MAP2K6: variants seen among roughly 807,000 people sequenced by gnomAD.
MAP2K6 encodes the protein dual specificity mitogen-activated protein kinase kinase 6.
A neutral mutation model predicts 53.7 loss-of-function variants in MAP2K6; 16 were observed. The observed-to-expected ratio is 0.30, with a 90% CI of 0.20 to 0.45. The LOEUF (loss-of-function observed/expected upper bound fraction) is 0.45. Ranked by LOEUF, MAP2K6 falls within the 20% of genes least tolerant of loss-of-function variation. The pLI is 1.00. For missense variants in MAP2K6, 204 were observed against 411.9 expected, an observed-to-expected ratio of 0.50 and a Z score of 4.37; for synonymous variants, 132 against 143.1, an observed-to-expected ratio of 0.92 and a Z score of 0.55.
intron 2 of MAP2K6, among the ~76,000 whole-genome samples, chr17:69,508,386 C>G (rs751295288): frequency 2.6e-5 from 4 of 152,028 alleles, no homozygotes; most frequent in Admixed American, 6.6e-5. Context: ...TTTTAATTTA[C>G]AATTTCTCTA....
intron 7 of MAP2K6, 162 bp downstream of exon 7, chr17:69,521,262 A>G (rs910375372): frequency 1.5e-5 from 8 of 525,212 alleles, no homozygotes; most frequent in African/African-American, 1.4e-4. Flanking sequence ...CCATATAAGT[A>G]GTATTCCTTA....
At chr17:69,470,376 G>A (rs1386294717) in intron 1 of MAP2K6, among the ~76,000 whole-genome samples, 3 of 152,206 alleles carry the variant, frequency 2.0e-5, no homozygotes, top group African/African-American at 7.2e-5. Context: ...GATACTCGGA[G>A]CATCACCAAG....
chr17:69,542,489 T>TAAC lies in MAP2K6; in HGVS notation c.*738_*740dup, dbSNP rs936850543. 2.6e-5 allele frequency: 4 copies of TAAC among 152,488 alleles called. No individual in the cohort carries two copies. The highest frequency in any genetic ancestry group is 4.4e-5 in the Non-Finnish European group (3 of 68,048). 9.4% of individuals were successfully genotyped at this position (152,488 alleles called of 1,614,324 possible). Reference sequence around the variant, plus strand: ...TTGGAAAACATAAAAATCACTCATATAACAGCTCAAAGAGTAAAACATTTG... The same window carrying TAAC: ...TTGGAAAACATAAAAATCACTCATATAACAACAGCTCAAAGAGTAAAACATTTG... On this transcript the variant is annotated 3_prime_UTR_variant, in exon 12 of 12. Transcript: ENST00000590474.
intron 11 of MAP2K6, among the ~76,000 whole-genome samples, chr17:69,537,562 C>T (rs559433509): frequency 2.0e-4 from 31 of 152,248 alleles, no homozygotes; most frequent in African/African-American, 5.1e-4. Flanking sequence ...TTGGAAATGT[C>T]GAGTCAGGAA....
At chr17:69,457,334 A>G (rs1214075519) in intron 1 of MAP2K6, among the ~76,000 whole-genome samples, 1 of 152,176 alleles carries the variant, frequency 6.6e-6, no homozygotes, top group Non-Finnish European at 1.5e-5. Flanking sequence ...TTTATCCCCT[A>G]GGTTGAGTGG....
intron 10 of MAP2K6, 150 bp downstream of exon 10, chr17:69,526,859 C>T (rs1194455278): frequency 4.3e-6 from 4 of 932,968 alleles, no homozygotes; most frequent in South Asian, 1.7e-5. Flanking sequence ...CAAAGATGAC[C>T]GTATCACACT....
At chr17:69,449,503 T>TTTTTCTTTCTTTCTTTG (rs1907098866) in intron 1 of MAP2K6, among the ~76,000 whole-genome samples, 2 of 136,452 alleles carry the variant, frequency 1.5e-5, no homozygotes, top group East Asian at 2.1e-4. Flanking sequence ...TCTTTCTTTT[T>TTTTTCTTTCTTTCTTTG]TCTTTCTTTC....
At chr17:69,495,392 C>A (rs1347091038) in intron 1 of MAP2K6, among the ~76,000 whole-genome samples, 1 of 151,948 alleles carries the variant, frequency 6.6e-6, no homozygotes, top group African/African-American at 2.4e-5. Flanking sequence ...CCCACCAACA[C>A]GCCCAGCTAA....
rs925475557 is a variant in MAP2K6 at position 69,542,486 on chromosome 17, A to T, written c.*733A>T. 1.3e-5 allele frequency: 2 copies of T among 152,490 alleles called. No individual in the cohort carries two copies. The highest frequency in any genetic ancestry group is 4.8e-5 in the African/African-American group (2 of 41,452). The allele number at this position is 152,490 out of a possible 1,614,324, so 9.4% of individuals were successfully genotyped here. A position where few individuals can be genotyped will look rare whatever the true frequency, so the allele number is the denominator to read the frequency against. On this transcript the variant is annotated 3_prime_UTR_variant, in exon 12 of 12. Coordinates refer to ENST00000590474, the MANE Select transcript of MAP2K6 (RefSeq NM_002758.4). Reference sequence around the variant, plus strand: ...ACTTTGGAAAACATAAAAATCACTCATATAACAGCTCAAAGAGTAAAACAT... The same window carrying T: ...ACTTTGGAAAACATAAAAATCACTCTTATAACAGCTCAAAGAGTAAAACAT...
intron 1 of MAP2K6, among the ~76,000 whole-genome samples, chr17:69,457,159 G>A (rs1429943110): frequency 6.6e-6 from 1 of 152,210 alleles, no homozygotes; most frequent in African/African-American, 2.4e-5. Context: ...TACAATGGTG[G>A]TTTCTTCTGT....
intron 10 of MAP2K6, among the ~76,000 whole-genome samples, chr17:69,532,501 C>T (rs1567858939): frequency 6.6e-6 from 1 of 152,150 alleles, no homozygotes; most frequent in Admixed American, 6.5e-5. Context: ...TTTGAAAATT[C>T]AAAAGTCTGA....
At chr17:69,540,654 A>G (rs1911570582) in intron 11 of MAP2K6, among the ~76,000 whole-genome samples, 1 of 152,200 alleles carries the variant, frequency 6.6e-6, no homozygotes, top group Admixed American at 6.5e-5. Flanking sequence ...AGCAAAGCAT[A>G]AGACTTGTTA....
intron 8 of MAP2K6, among the ~76,000 whole-genome samples, chr17:69,524,218 A>T (rs547236920): frequency 7.9e-5 from 12 of 152,190 alleles, no homozygotes; most frequent in Non-Finnish European, 1.5e-4. Context: ...AGTGAAAGAG[A>T]TACGTTATTT....
At chr17:69,423,305 G>T (rs1479296534) in intron 1 of MAP2K6, among the ~76,000 whole-genome samples, 1 of 152,236 alleles carries the variant, frequency 6.6e-6, no homozygotes, top group East Asian at 1.9e-4. Flanking sequence ...TTCAAATTCA[G>T]CATCGACAAA....
intron 7 of MAP2K6, among the ~76,000 whole-genome samples, chr17:69,523,023 T>G (rs1385612621): frequency 3.9e-5 from 6 of 152,124 alleles, no homozygotes. Flanking sequence ...ATCACACCAC[T>G]GCACACCGGT....
intron 10 of MAP2K6, among the ~76,000 whole-genome samples, chr17:69,531,056 C>CT (rs35152020): frequency 0.028 from 3,995 of 144,620 alleles, 81 homozygotes; most frequent in Middle Eastern, 0.059. Context: ...ATTAAAGGAC[C>CT]TTTTTTTTTT....
chr17:69,468,885 T>C (rs1907898297), intron 1 of MAP2K6, among the ~76,000 whole-genome samples: 1 of 152,170 alleles, frequency 6.6e-6, no homozygotes, highest in Admixed American at 6.5e-5. Context: ...CCAGACAGAA[T>C]GAACAGTCTG....
At chr17:69,469,613 A>T (rs1225169478) in intron 1 of MAP2K6, among the ~76,000 whole-genome samples, 1 of 152,078 alleles carries the variant, frequency 6.6e-6, no homozygotes, top group African/African-American at 2.4e-5. Flanking sequence ...AATACAAAAA[A>T]TTAGCCAGGC....
chr17:69,487,995 A>T (rs893368095), intron 1 of MAP2K6, among the ~76,000 whole-genome samples: 2 of 152,232 alleles, frequency 1.3e-5, no homozygotes, highest in Non-Finnish European at 2.9e-5. Context: ...GTATAGCAAA[A>T]GAAACTAACA....
Sources: gnomAD v4.1 joint callset for allele counts (sites outside exome capture counted in the v4.1 genomes callset) on GRCh38, gnomAD v4.1.1 for gene constraint, MANE v1.5 for transcripts, NCBI Gene and HGNC (gene_info 2026-07-23, HGNC 2026-07-21) for gene names.